Variants in SOCS5 observed in about 807,000 individuals in gnomAD.
SOCS5 encodes the protein CIS-6.
Under a neutral mutation model 42.8 loss-of-function variants are expected in SOCS5, and 32 were observed. The ratio of observed to expected loss-of-function variants is 0.75; its 90% CI spans 0.56 to 1.01. The LOEUF (loss-of-function observed/expected upper bound fraction) is 1.01, where lower values mean the gene tolerates loss of function less well. Among genes scored for constraint, SOCS5 ranks in the 50% least tolerant of loss-of-function variants. SOCS5 has a pLI of 0.00. For missense variants in SOCS5, 627 were observed against 653.0 expected, an observed-to-expected ratio of 0.96 and a Z score of 0.43; for synonymous variants, 283 against 229.6, an observed-to-expected ratio of 1.23 and a Z score of -2.10.
chr2:46,727,222 C>T (rs933331477), intron 1 of SOCS5, among the ~76,000 whole-genome samples: 3 of 143,530 alleles, frequency 2.1e-5, no homozygotes, highest in African/African-American at 7.8e-5. Context: ...GATCTCAGCT[C>T]ACTGCAAGCT....
At chr2:46,716,853 C>G in intron 1 of SOCS5, among the ~76,000 whole-genome samples, 1 of 152,166 alleles carries the variant, frequency 6.6e-6, no homozygotes. Flanking sequence ...TGTTTCCAGA[C>G]AGATACGGAA....
At chr2:46,720,693 CCT>C (rs1672859093) in intron 1 of SOCS5, among the ~76,000 whole-genome samples, 1 of 152,052 alleles carries the variant, frequency 6.6e-6, no homozygotes. Context: ...GGTCCAATTC[CCT>C]GTTTTTCAGA....
intron 1 of SOCS5, among the ~76,000 whole-genome samples, chr2:46,738,636 C>G (rs1265439994): frequency 4.6e-5 from 7 of 152,046 alleles, no homozygotes; most frequent in African/African-American, 1.2e-4. Context: ...CCATACACAT[C>G]CAGTTGTATT....
At chr2:46,729,466 G>A (rs568418353) in intron 1 of SOCS5, among the ~76,000 whole-genome samples, 25 of 152,306 alleles carry the variant, frequency 1.6e-4, no homozygotes, top group African/African-American at 4.6e-4. Flanking sequence ...GCCGTATAGC[G>A]TAGCCTGTTG....
chr2:46,712,003 G>T lies in SOCS5; in HGVS notation c.-13+12554G>T, dbSNP rs77103615. Among the ~76,000 whole-genome samples, 1,299 of 152,252 alleles carry T rather than the reference G, an allele frequency of 8.5e-3. 17 individuals carry two copies. The highest frequency in any genetic ancestry group is 0.029 in the African/African-American group (1,222 of 41,542). On this transcript the variant is annotated intron_variant, in intron 1 of 1. Transcript: ENST00000394861. ...CATTAAGTCTTGAAATAAGGTAATAGAACTTCTCCAGTTTAGTTCTTATTT... is the reference window on the plus strand; with the variant it reads ...CATTAAGTCTTGAAATAAGGTAATATAACTTCTCCAGTTTAGTTCTTATTT...
In SOCS5 at chr2:46,721,698, T is replaced by C. The variant is rs146356692; in HGVS notation, c.-13+22249T>C. On this transcript the variant is annotated intron_variant, in intron 1 of 1. Transcript: ENST00000394861. Reference sequence around the variant, plus strand: ...TTTTATGGCATCATCCCAAAATATATGTAGTTACAAATAATGAATAGCTGT... The same window carrying C: ...TTTTATGGCATCATCCCAAAATATACGTAGTTACAAATAATGAATAGCTGT... Among the ~76,000 whole-genome samples, 726 of 152,296 alleles carry C rather than the reference T, an allele frequency of 4.8e-3. 6 individuals are homozygous for C. The highest frequency in any genetic ancestry group is 0.01 in the Admixed American group (153 of 15,294).
intron 1 of SOCS5, among the ~76,000 whole-genome samples, chr2:46,733,649 TA>T (rs1673178536): frequency 6.6e-6 from 1 of 150,940 alleles, no homozygotes; most frequent in Non-Finnish European, 1.5e-5. Flanking sequence ...AATTCAAGGT[TA>T]AAAAAAGCTA....
At chr2:46,703,751 A>T (rs1672398838) in intron 1 of SOCS5, among the ~76,000 whole-genome samples, 1 of 152,216 alleles carries the variant, frequency 6.6e-6, no homozygotes. Context: ...GTTTCAGTGC[A>T]GTTGTTAGAG....
chr2:46,718,992 A>G (rs72881392), intron 1 of SOCS5, among the ~76,000 whole-genome samples: 2,338 of 152,314 alleles, frequency 0.015, 54 homozygotes, highest in African/African-American at 0.053. Flanking sequence ...TTACTTATTC[A>G]TTACAATGGT....
chr2:46,718,680 A>G (rs932260521), intron 1 of SOCS5, among the ~76,000 whole-genome samples: 1 of 152,190 alleles, frequency 6.6e-6, no homozygotes, highest in Non-Finnish European at 1.5e-5. Flanking sequence ...CCACAGATAA[A>G]TATTTACTAC....
intron 1 of SOCS5, among the ~76,000 whole-genome samples, chr2:46,743,026 C>G (rs1396854681): frequency 6.6e-6 from 1 of 152,160 alleles, no homozygotes; most frequent in African/African-American, 2.4e-5. Context: ...CTTACCCATT[C>G]ATCTTATGGG....
chr2:46,735,058 G>T (rs1361452026), intron 1 of SOCS5, among the ~76,000 whole-genome samples: 1 of 152,160 alleles, frequency 6.6e-6, no homozygotes, highest in Non-Finnish European at 1.5e-5. Context: ...CACCTTTTCT[G>T]CGAAGCCTTT....
chr2:46,744,865 A>C (rs895005975), intron 1 of SOCS5, among the ~76,000 whole-genome samples: 8 of 150,410 alleles, frequency 5.3e-5, no homozygotes, highest in Non-Finnish European at 1.0e-4. Context: ...TTTTATGTCT[A>C]TTTGTGGTTT....
In SOCS5 at chr2:46,733,180, C is replaced by T. The variant is rs189758915; in HGVS notation, c.-12-25339C>T. Among the ~76,000 whole-genome samples the T allele has an allele frequency of 2.8e-4, 42 of 152,112 alleles. 1 individual carries two copies. The East Asian group carries it at 7.1e-3, about 26-fold the overall frequency. On this transcript the variant is annotated intron_variant, in intron 1 of 1. Coordinates refer to ENST00000394861, the MANE Select transcript of SOCS5 (RefSeq NM_144949.3). ...CGCGATCTCAGCTCACTGCCATCTCCGCCTCCCGGGTTCAAGTGATGCTCC... is the reference window on the plus strand; with the variant it reads ...CGCGATCTCAGCTCACTGCCATCTCTGCCTCCCGGGTTCAAGTGATGCTCC...
chr2:46,709,988 C>A (rs376786873), intron 1 of SOCS5, among the ~76,000 whole-genome samples: 2 of 152,100 alleles, frequency 1.3e-5, no homozygotes, highest in Non-Finnish European at 2.9e-5. Flanking sequence ...TCTCCACCCC[C>A]CATGCTTGAA....
intron 1 of SOCS5, among the ~76,000 whole-genome samples, chr2:46,742,257 C>CT (rs1673394649): frequency 6.6e-6 from 1 of 151,884 alleles, no homozygotes; most frequent in African/African-American, 2.4e-5. Context: ...GTCTTCTTTT[C>CT]TTTTTTAAAT....
At chr2:46,718,115 G>A (rs1461547609) in intron 1 of SOCS5, among the ~76,000 whole-genome samples, 1 of 152,044 alleles carries the variant, frequency 6.6e-6, no homozygotes, top group East Asian at 1.9e-4. Context: ...GTGTGTGTGT[G>A]TGTTTCCCCT....
chr2:46,717,573 G>A (rs1048837270), intron 1 of SOCS5, among the ~76,000 whole-genome samples: 28 of 151,530 alleles, frequency 1.8e-4, no homozygotes, highest in African/African-American at 5.6e-4. Flanking sequence ...GTAATCTTCC[G>A]GTTTATATTA....
At chr2:46,748,471 G>A (rs1673557724) in intron 1 of SOCS5, among the ~76,000 whole-genome samples, 1 of 152,154 alleles carries the variant, frequency 6.6e-6, no homozygotes, top group Non-Finnish European at 1.5e-5. Flanking sequence ...ATAAGCATGA[G>A]CCACTGTGTC....
Sources: gnomAD v4.1 joint callset for allele counts (sites outside exome capture counted in the v4.1 genomes callset) on GRCh38, gnomAD v4.1.1 for gene constraint, MANE v1.5 for transcripts, NCBI Gene and HGNC (gene_info 2026-07-23, HGNC 2026-07-21) for gene names.